GPHN: variants seen among roughly 807,000 people sequenced by gnomAD.
The protein encoded by GPHN is gephyrin.
A neutral mutation model predicts 95.5 loss-of-function variants in GPHN; 17 were observed. The ratio of observed to expected loss-of-function variants is 0.18; its 90% CI spans 0.12 to 0.27. GPHN has a LOEUF of 0.27. Ranked by LOEUF, GPHN falls within the 10% of genes least tolerant of loss-of-function variation. GPHN has a pLI of 1.00. For missense variants in GPHN, 660 were observed against 978.1 expected (o/e 0.67, Z 4.34); for synonymous variants, 320 against 322.5 (o/e 0.99, Z 0.08).
At chr14:67,086,809 T>C (rs1398820902) in intron 11 of GPHN, among the ~76,000 whole-genome samples, 1 of 150,662 alleles carries the variant, frequency 6.6e-6, no homozygotes, top group Non-Finnish European at 1.5e-5. Context: ...GAGGCCAAGG[T>C]GGGCGGATCA....
At chr14:66,572,875 A>C (rs2060752705) in intron 1 of GPHN, among the ~76,000 whole-genome samples, 1 of 152,134 alleles carries the variant, frequency 6.6e-6, no homozygotes, top group African/African-American at 2.4e-5. Flanking sequence ...ACTGTTGTGT[A>C]TGATGTTAGC....
chr14:66,917,808 A>C (rs1293482698), intron 6 of GPHN, among the ~76,000 whole-genome samples: 1 of 152,180 alleles, frequency 6.6e-6, no homozygotes, highest in Non-Finnish European at 1.5e-5. Flanking sequence ...GTAAAGAAGC[A>C]ATTCCATGCT....
intron 15 of GPHN, among the ~76,000 whole-genome samples, chr14:67,112,403 A>C (rs2078429582): frequency 6.6e-6 from 1 of 152,190 alleles, no homozygotes; most frequent in African/African-American, 2.4e-5. Flanking sequence ...TTTTTCTTAA[A>C]ATGGAATATG....
intron 5 of GPHN, among the ~76,000 whole-genome samples, chr14:66,894,312 T>G (rs537310980): frequency 7.0e-4 from 106 of 152,300 alleles, no homozygotes; most frequent in African/African-American, 2.4e-3. Flanking sequence ...TAGCCATATG[T>G]AGTAAGCTGA....
chr14:67,256,686 T>C, the GPHN span, among the ~76,000 whole-genome samples: 1 of 152,130 alleles, frequency 6.6e-6, no homozygotes, highest in Non-Finnish European at 1.5e-5. Context: ...TAGCTGGGAT[T>C]ACAGGCATGT....
At chr14:66,819,054 G>C (rs2061090494) in intron 3 of GPHN, among the ~76,000 whole-genome samples, 1 of 152,064 alleles carries the variant, frequency 6.6e-6, no homozygotes, top group Non-Finnish European at 1.5e-5. Flanking sequence ...TTACTTTTTT[G>C]ATAGTTTCTG....
chr14:67,615,908 C>T, the GPHN span: 1 of 569,004 alleles, frequency 1.8e-6, no homozygotes, highest in Non-Finnish European at 3.3e-6. Context: ...TGACAAGCAG[C>T]CTTAAAAAGA....
At chr14:66,796,238 C>G (rs2060152576) in intron 3 of GPHN, among the ~76,000 whole-genome samples, 1 of 152,062 alleles carries the variant, frequency 6.6e-6, no homozygotes, top group Admixed American at 6.6e-5. Context: ...TTGATGGACA[C>G]AGGTTGCTTC....
At chr14:66,597,766 C>A (rs974135203) in intron 1 of GPHN, among the ~76,000 whole-genome samples, 1 of 152,192 alleles carries the variant, frequency 6.6e-6, no homozygotes. Flanking sequence ...CCAGCCTTAC[C>A]TCCCACACTG....
chr14:67,387,804 T>C, the GPHN span, among the ~76,000 whole-genome samples: 1 of 152,250 alleles, frequency 6.6e-6, no homozygotes. Flanking sequence ...ATTTGGAGTT[T>C]GATCTCAAAT....
the GPHN span, among the ~76,000 whole-genome samples, chr14:67,535,060 T>C: frequency 6.6e-6 from 1 of 152,212 alleles, no homozygotes; most frequent in Non-Finnish European, 1.5e-5. Flanking sequence ...GTGGCAGATA[T>C]ATACTTTGAT....
chr14:66,565,721 G>T (rs1052968740), intron 1 of GPHN, among the ~76,000 whole-genome samples: 10 of 152,010 alleles, frequency 6.6e-5, no homozygotes, highest in Non-Finnish European at 1.3e-4. Context: ...AGTTATTATG[G>T]TTCCAATATT....
intron 8 of GPHN, among the ~76,000 whole-genome samples, chr14:66,940,720 T>G (rs759063005): frequency 5.9e-5 from 9 of 152,206 alleles, no homozygotes; most frequent in Non-Finnish European, 1.3e-4. Flanking sequence ...GCCTCTGGAT[T>G]CCTCAGATCT....
intron 1 of GPHN, among the ~76,000 whole-genome samples, chr14:66,649,349 A>G (rs1011400359): frequency 2.6e-5 from 4 of 151,866 alleles, no homozygotes; most frequent in African/African-American, 7.2e-5. Flanking sequence ...AAAAAAAACA[A>G]AAACAAGCAG....
the GPHN span, among the ~76,000 whole-genome samples, chr14:67,328,510 T>C: frequency 1.3e-5 from 2 of 152,230 alleles, no homozygotes; most frequent in Non-Finnish European, 2.9e-5. Flanking sequence ...TTTTGAGTTT[T>C]GTTGCCATTG....
the GPHN span, among the ~76,000 whole-genome samples, chr14:67,250,854 A>G: frequency 6.6e-6 from 1 of 152,200 alleles, no homozygotes; most frequent in African/African-American, 2.4e-5. Flanking sequence ...AGCAAGATTG[A>G]TAGTTCATTT....
the GPHN span, among the ~76,000 whole-genome samples, chr14:67,535,843 A>G: frequency 6.6e-6 from 1 of 152,230 alleles, no homozygotes; most frequent in African/African-American, 2.4e-5. Context: ...ATGATGTGAT[A>G]TATGAAATGG....
chr14:66,840,786 G>GTA (rs2153507504), intron 4 of GPHN, among the ~76,000 whole-genome samples: 1 of 149,346 alleles, frequency 6.7e-6, no homozygotes, highest in East Asian at 2.0e-4. Flanking sequence ...CCCTTGGGCT[G>GTA]TAGTTTGCCA....
chr14:66,842,219 A>G (rs1350529816), intron 4 of GPHN, among the ~76,000 whole-genome samples: 1 of 152,174 alleles, frequency 6.6e-6, no homozygotes, highest in Admixed American at 6.5e-5. Flanking sequence ...CAAGATATTT[A>G]CTGGTATTAC....
Sources: gnomAD v4.1 joint callset for allele counts (sites outside exome capture counted in the v4.1 genomes callset) on GRCh38, gnomAD v4.1.1 for gene constraint, MANE v1.5 for transcripts, NCBI Gene and HGNC (gene_info 2026-07-23, HGNC 2026-07-21) for gene names.